The following PLXNA4 variants were observed in gnomAD, a reference collection of about 807,000 sequenced individuals.
PLXNA4 encodes plexin-A4.
PLXNA4 carries 44 observed loss-of-function variants against 191.8 expected under a neutral mutation model. The ratio of observed to expected loss-of-function variants is 0.23; its 90% CI spans 0.18 to 0.29. PLXNA4 has a LOEUF of 0.29. PLXNA4 is among the 10% of genes least tolerant of loss of function. The probability of loss-of-function intolerance (pLI) is 1.00; values close to 1 mark genes in which losing one functional copy is unlikely to be tolerated. For missense variants in PLXNA4, 1,800 were observed against 2,488.8 expected, an observed-to-expected ratio of 0.72 and a Z score of 5.89; for synonymous variants, 1,082 against 1,009.5, an observed-to-expected ratio of 1.07 and a Z score of -1.36.
intron 1 of PLXNA4, among the ~76,000 whole-genome samples, chr7:132,522,770 T>C (rs1323194597): frequency 6.6e-6 from 1 of 152,116 alleles, no homozygotes; most frequent in Admixed American, 6.5e-5. Context: ...AGACTCTGGC[T>C]CAAAATAAAT....
chr7:132,612,032 T>C (rs1250843764), intron 2 of PLXNA4, among the ~76,000 whole-genome samples: 9 of 152,130 alleles, frequency 5.9e-5, no homozygotes, highest in Admixed American at 2.0e-4. Context: ...AAGATTGCTG[T>C]TTTGAGCTCC....
At chr7:132,479,612 G>T (rs1192262162) in intron 3 of PLXNA4, among the ~76,000 whole-genome samples, 2 of 152,172 alleles carry the variant, frequency 1.3e-5, no homozygotes, top group Non-Finnish European at 2.9e-5. Flanking sequence ...GTGGTTTTGG[G>T]GGGAAGAGGA....
At chr7:132,163,739 AT>A (rs1381281681) in intron 24 of PLXNA4, among the ~76,000 whole-genome samples, 3 of 151,762 alleles carry the variant, frequency 2.0e-5, no homozygotes, top group African/African-American at 4.8e-5. Context: ...CTTCAGAGCT[AT>A]GAGTAACTCT....
At chr7:132,489,149 C>T (rs1797678499) in intron 3 of PLXNA4, 143 bp downstream of exon 3, 1 of 825,130 alleles carries the variant, frequency 1.2e-6, no homozygotes, top group Admixed American at 2.8e-5. Context: ...ATCATCATGA[C>T]CTCAACAGCA....
At chr7:132,273,587 G>C (rs1424655837) in intron 4 of PLXNA4, among the ~76,000 whole-genome samples, 5 of 152,182 alleles carry the variant, frequency 3.3e-5, no homozygotes, top group African/African-American at 1.2e-4. Flanking sequence ...TCCGCTTAGA[G>C]GCAAAGAGGA....
chr7:132,506,174 A>G (rs549579876), intron 2 of PLXNA4, among the ~76,000 whole-genome samples: 1 of 152,256 alleles, frequency 6.6e-6, no homozygotes, highest in East Asian at 1.9e-4. Context: ...ATGCCAGGGC[A>G]CCATCTTTCT....
chr7:132,637,990 G>A (rs188247085), intron 2 of PLXNA4, among the ~76,000 whole-genome samples: 11 of 152,336 alleles, frequency 7.2e-5, no homozygotes, highest in Non-Finnish European at 1.5e-4. Context: ...CAGTCCTAGA[G>A]TTTGCCCACA....
chr7:132,281,450 T>C (rs10215151), intron 4 of PLXNA4, among the ~76,000 whole-genome samples: 46,175 of 152,082 alleles, frequency 0.3, 7,159 homozygotes, highest in Admixed American at 0.42. Flanking sequence ...GTCAAAATTC[T>C]CTGAAACTCT....
Position 132,127,843 on chromosome 7 carries a change from C to T in PLXNA4, c.*2636G>A, listed in dbSNP as rs1403273165. The stretch of plus-strand genomic sequence containing the variant: ...GAGGTGTTTGAAATTTTTCTTATAA[C>T]AAAAACATGGAATAAAATAAAGTCC... On this transcript the variant is annotated 3_prime_UTR_variant, in exon 32 of 32. Transcript: ENST00000321063. 1 of 147,788 alleles carries T rather than the reference C, an allele frequency of 6.8e-6. No individual in the cohort carries two copies. Among genetic ancestry groups the T allele is most frequent in the Non-Finnish European group, 1.5e-5 (1 of 65,392 alleles). 9.2% of individuals were successfully genotyped at this position (147,788 alleles called of 1,614,324 possible).
At chr7:132,303,394 C>A (rs1256626135) in intron 3 of PLXNA4, among the ~76,000 whole-genome samples, 5 of 151,284 alleles carry the variant, frequency 3.3e-5, no homozygotes, top group African/African-American at 7.3e-5. Flanking sequence ...TATGGTGAAA[C>A]CCTGTCTCTA....
At chr7:132,489,240 G>A in intron 3 of PLXNA4, 52 bp downstream of exon 3, 2 of 1,526,850 alleles carry the variant, frequency 1.3e-6, no homozygotes, top group Non-Finnish European at 1.8e-6. Context: ...ATCCAGCCCA[G>A]GAGGGACAGA....
chr7:132,588,777 A>G (rs1458964178), intron 2 of PLXNA4, among the ~76,000 whole-genome samples: 1 of 151,000 alleles, frequency 6.6e-6, no homozygotes, highest in South Asian at 2.1e-4. Flanking sequence ...AAAGAAAGAG[A>G]AAGAGAGAAA....
chr7:132,595,006 TAGATAGATAGATAGACAGACAGAC>T (rs1232936802), intron 2 of PLXNA4, among the ~76,000 whole-genome samples: 2 of 32,562 alleles, frequency 6.1e-5, no homozygotes, highest in Non-Finnish European at 1.8e-4. Context: ...GATAGATAGA[TAGATAGATAGATAGACAGACAGAC>T]AGACAGACAG....
intron 2 of PLXNA4, among the ~76,000 whole-genome samples, chr7:132,593,754 C>T (rs1384223809): frequency 6.6e-6 from 1 of 152,226 alleles, no homozygotes; most frequent in East Asian, 1.9e-4. Context: ...TTTCAGTCCC[C>T]AGAGAGGGAA....
In PLXNA4 at chr7:132,179,796, G is replaced by A. The variant is rs370814570; in HGVS notation, c.3765C>T (p.Ala1255=). The change falls in exon 20 of 32, where the codon GCC becomes GCT. Residue 1255 remains alanine (A), a synonymous_variant. Transcript: ENST00000321063. ...ACTTGCGTTTATAGGCAATGAGCAC[G>A]GCCACGATGAAAATGATGAGGAGGC... The part of the protein sequence containing the change: ...AGGLLIIFIV[A]VLIAYKRKSR... 29 of 1,613,594 alleles carry A rather than the reference G, an allele frequency of 1.8e-5. No individual in the cohort carries two copies. Among genetic ancestry groups the A allele is most frequent in the East Asian group, 1.1e-4 (5 of 44,860 alleles).
At chr7:132,248,087 T>C (rs1007214157) in intron 4 of PLXNA4, among the ~76,000 whole-genome samples, 2 of 152,198 alleles carry the variant, frequency 1.3e-5, no homozygotes, top group Non-Finnish European at 2.9e-5. Context: ...GGCCAATGAA[T>C]GGTAGGAAAC....
intron 2 of PLXNA4, among the ~76,000 whole-genome samples, chr7:132,586,756 C>A (rs1802513162): frequency 1.3e-5 from 2 of 151,748 alleles, no homozygotes; most frequent in South Asian, 4.2e-4. Context: ...CCATCTCTAA[C>A]AAACAAATAA....
chr7:132,499,981 G>A (rs1798181369), intron 2 of PLXNA4, among the ~76,000 whole-genome samples: 1 of 152,160 alleles, frequency 6.6e-6, no homozygotes, highest in Admixed American at 6.5e-5. Context: ...GCCAGATGGA[G>A]AAGAGCTCTC....
chr7:132,598,977 G>T, intron 2 of PLXNA4, among the ~76,000 whole-genome samples: 1 of 152,102 alleles, frequency 6.6e-6, no homozygotes, highest in Non-Finnish European at 1.5e-5. Flanking sequence ...CTAGTGTAAT[G>T]GTTATCTGTA....
Sources: allele counts gnomAD v4.1 joint callset (sites outside exome capture counted in the v4.1 genomes callset), GRCh38; gene constraint gnomAD v4.1.1; transcripts MANE v1.5; gene names NCBI Gene and HGNC (gene_info 2026-07-23, HGNC 2026-07-21).